ASCC2: variants seen among roughly 807,000 people sequenced by gnomAD.
ASCC2 encodes activating signal cointegrator 1 complex subunit 2, also known as ASC-1 complex subunit P100.
A neutral mutation model predicts 93.5 loss-of-function variants in ASCC2; 42 were observed. The ratio of observed to expected loss-of-function variants is 0.45; its 90% CI spans 0.35 to 0.58. ASCC2 has a LOEUF of 0.58. Among genes scored for constraint, ASCC2 ranks in the 20% least tolerant of loss-of-function variants. ASCC2 has a pLI of 0.00. For synonymous variants in ASCC2, 364 were observed against 384.2 expected (o/e 0.95, Z 0.62); for missense variants, 859 against 977.6 (o/e 0.88, Z 1.62).
intron 14 of ASCC2, among the ~76,000 whole-genome samples, chr22:29,801,638 C>G (rs1453844985): frequency 2.0e-5 from 3 of 152,174 alleles, no homozygotes; most frequent in African/African-American, 4.8e-5. Flanking sequence ...TGTGGCCATC[C>G]TCTCTCACAA....
chr22:29,791,583 A>G (rs1367013251), intron 18 of ASCC2, among the ~76,000 whole-genome samples: 1 of 152,192 alleles, frequency 6.6e-6, no homozygotes, highest in African/African-American at 2.4e-5. Flanking sequence ...TGGGAGGCTG[A>G]GGCAGGAGAA....
At chr22:29,818,365 C>G (rs1230956089) in intron 5 of ASCC2, among the ~76,000 whole-genome samples, 1 of 117,784 alleles carries the variant, frequency 8.5e-6, no homozygotes. Flanking sequence ...GAGAGACAGA[C>G]AGAAACTGCA....
chr22:29,806,015 T>C (rs1167437058), intron 12 of ASCC2, among the ~76,000 whole-genome samples: 1 of 151,822 alleles, frequency 6.6e-6, no homozygotes, highest in Admixed American at 6.6e-5. Context: ...TAGCACTGCA[T>C]CTCCCCTGCC....
chr22:29,801,152 A>C, intron 14 of ASCC2, 42 bp from the exon 15 acceptor site: 1 of 1,560,882 alleles, frequency 6.4e-7, no homozygotes, highest in South Asian at 1.2e-5. Flanking sequence ...GGGCCCTGCC[A>C]GCTGATGCAA....
intron 8 of ASCC2, among the ~76,000 whole-genome samples, chr22:29,811,873 G>A (rs971270212): frequency 2.0e-5 from 3 of 152,194 alleles, no homozygotes; most frequent in East Asian, 1.9e-4. Context: ...TGCAAGGTAC[G>A]AAATTCTAAG....
At chr22:29,819,093 C>T (rs1024122988) in intron 5 of ASCC2, among the ~76,000 whole-genome samples, 3 of 152,212 alleles carry the variant, frequency 2.0e-5, no homozygotes, top group African/African-American at 7.2e-5. Context: ...AGTAAGAGCT[C>T]ATGCTTACCA....
chr22:29,824,722 C>T (rs757794973), intron 4 of ASCC2, among the ~76,000 whole-genome samples: 1 of 151,046 alleles, frequency 6.6e-6, no homozygotes, highest in Non-Finnish European at 1.5e-5. Context: ...TTAGAGATAG[C>T]AGTATTATTT....
chr22:29,822,491 T>C lies in ASCC2; in HGVS notation c.412-27A>G, dbSNP rs765273923. 48 of 1,611,262 alleles carry C rather than the reference T, an allele frequency of 3.0e-5. No homozygotes were observed. The Middle Eastern group carries it at 1.0e-3, about 34-fold the overall frequency. ...TAAGGAAAAATGCAGAGAGAAAGGA[T>C]AGAGATTTTCTGAACACTCCTACAT... On this transcript the variant is annotated intron_variant, in intron 4 of 19. Transcript: ENST00000307790.
In ASCC2 at chr22:29,814,642, G is replaced by A. The variant is rs201779131; in HGVS notation, c.720+15C>T. 30 of 1,579,780 alleles carry A rather than the reference G, an allele frequency of 1.9e-5. No individual in the cohort carries two copies. The highest frequency in any genetic ancestry group is 1.5e-4 in the African/African-American group (11 of 72,812). On this transcript the variant is annotated intron_variant, in intron 7 of 19. Transcript: ENST00000307790. ...GACCCGGCAGGAAAGAGACTGGGCC[G>A]AAGGGCAACCTTACCAGGAGAGGCA...
chr22:29,793,692 AG>A lies in ASCC2; in HGVS notation c.1689-17del. 6.5e-7 allele frequency: 1 copy of A among 1,548,332 alleles called. No individual in the cohort carries two copies. Among genetic ancestry groups the A allele is most frequent in the Non-Finnish European group, 8.7e-7 (1 of 1,148,384 alleles). ...CTTCCTGGTGCTGAGAAGGAACAGCAGAAAGAGAGGAAGGAAAACCATCAGG... is the reference window on the plus strand; with the variant it reads ...CTTCCTGGTGCTGAGAAGGAACAGCAAAAGAGAGGAAGGAAAACCATCAGG... On this transcript the variant is annotated splice_polypyrimidine_tract_variant and intron_variant, in intron 15 of 19. Transcript: ENST00000307790.
chr22:29,802,204 A>G lies in ASCC2; in HGVS notation c.1358T>C (p.Met453Thr), dbSNP rs146021162. The G allele has an allele frequency of 8.1e-6, 13 of 1,613,872 alleles. No individual in the cohort carries two copies. The African/African-American group carries it at 1.6e-4, about 20-fold the overall frequency. Residue 453 changes from methionine to threonine, a missense_variant, in exon 14 of 20, where the codon ATG becomes ACG. Coordinates refer to ENST00000307790, the MANE Select transcript of ASCC2 (RefSeq NM_032204.5). Reference sequence around the variant, plus strand: ...AGGGCCCACAGCCGCGGCTGCTCCCATGCACTGTAGTGAGAGCCAGAGCCA... The same window carrying G: ...AGGGCCCACAGCCGCGGCTGCTCCCGTGCACTGTAGTGAGAGCCAGAGCCA... ...HPENSEEEEC[M>T]GAAAAVGPAM...
chr22:29,816,389 T>A (rs961988395), intron 5 of ASCC2, among the ~76,000 whole-genome samples: 1 of 152,180 alleles, frequency 6.6e-6, no homozygotes, highest in Non-Finnish European at 1.5e-5. Flanking sequence ...CAGGGAGTGA[T>A]CACACTTGGG....
In ASCC2 at chr22:29,825,571, C is replaced by A; in HGVS notation, c.240+51G>T. On this transcript the variant is annotated intron_variant, in intron 3 of 19. Coordinates refer to ENST00000307790, the MANE Select transcript of ASCC2 (RefSeq NM_032204.5). The surrounding 1 kb of genome is among the most constrained non-coding windows in gnomAD (Gnocchi z 4.9). ...AAGAAAAACAACAACAGCAACCAAC[C>A]AATGGCATGTCATGTGCTTTGTCTT... 1 of 1,612,638 alleles carries A rather than the reference C, an allele frequency of 6.2e-7. No homozygotes were observed. Among genetic ancestry groups the A allele is most frequent in the Non-Finnish European group, 8.5e-7 (1 of 1,178,816 alleles).
rs755330906 is a variant in ASCC2, at chr22:29,802,206, G to A, written c.1356C>T (p.Cys452=). 6.2e-7 allele frequency: 1 copy of A among 1,613,940 alleles called. No individual in the cohort carries two copies. Among genetic ancestry groups the A allele is most frequent in the East Asian group, 2.2e-5 (1 of 44,864 alleles). ...GGCCCACAGCCGCGGCTGCTCCCAT[G>A]CACTGTAGTGAGAGCCAGAGCCAAG... The part of the protein sequence containing the change: ...SHPENSEEEE[C]MGAAAAVGPA... The change falls in exon 14 of 20, where the codon TGC becomes TGT. Residue 452 remains cysteine (C), a splice_region_variant and synonymous_variant. Transcript: ENST00000307790.
At chr22:29,830,829 C>T (rs975376895) in intron 2 of ASCC2, among the ~76,000 whole-genome samples, 2 of 152,196 alleles carry the variant, frequency 1.3e-5, no homozygotes, top group East Asian at 1.9e-4. Context: ...GCCTCCTGTG[C>T]GCCTGGCACT....
Position 29,788,853 on chromosome 22 carries a change from C to G in ASCC2, c.*160G>C. ...GTGTTCTGCAGGAAGGCGCTCATGGCTGGCTGGTAGATGAGAGGCGGCCTT... is the reference window on the plus strand; with the variant it reads ...GTGTTCTGCAGGAAGGCGCTCATGGGTGGCTGGTAGATGAGAGGCGGCCTT... On this transcript the variant is annotated 3_prime_UTR_variant, in exon 20 of 20. Transcript: ENST00000307790. The G allele has an allele frequency of 1.2e-6, 1 of 839,990 alleles. No homozygotes were observed. The highest frequency in any genetic ancestry group is 1.7e-5 in the South Asian group (1 of 59,818). 52.0% of individuals were successfully genotyped at this position (839,990 alleles called of 1,614,324 possible). A position where few individuals can be genotyped will look rare whatever the true frequency, so the allele number is the denominator to read the frequency against.
chr22:29,817,900 C>T (rs2061051609), intron 5 of ASCC2, among the ~76,000 whole-genome samples: 1 of 152,064 alleles, frequency 6.6e-6, no homozygotes, highest in Admixed American at 6.6e-5. Flanking sequence ...GAGATACTGC[C>T]AAGTAGATCA....
At chr22:29,803,939 T>C (rs2059388379) in intron 13 of ASCC2, among the ~76,000 whole-genome samples, 1 of 152,148 alleles carries the variant, frequency 6.6e-6, no homozygotes, top group Non-Finnish European at 1.5e-5. Context: ...TCCCAACACC[T>C]CATGGAGGTG....
At chr22:29,830,558 G>A (rs1485981619) in intron 2 of ASCC2, among the ~76,000 whole-genome samples, 2 of 71,184 alleles carry the variant, frequency 2.8e-5, no homozygotes, top group East Asian at 4.3e-4. Flanking sequence ...TGGGCTGCAC[G>A]TACCCTCCCA....
Sources: allele counts gnomAD v4.1 joint callset (sites outside exome capture counted in the v4.1 genomes callset), GRCh38; gene constraint gnomAD v4.1.1; non-coding constraint Gnocchi (gnomAD v3.1); transcripts MANE v1.5; gene names NCBI Gene and HGNC (gene_info 2026-07-23, HGNC 2026-07-21).